Variants in SPAG17 observed in about 807,000 individuals in gnomAD.
SPAG17 encodes the protein sperm associated antigen 17, also known as sperm-associated antigen 17.
In SPAG17, 169 loss-of-function variants were observed where a neutral mutation model predicts 273.6. The observed-to-expected ratio is 0.62, with a 90% CI of 0.55 to 0.70. SPAG17 has a LOEUF of 0.70. SPAG17 is among the 30% of genes least tolerant of loss of function. SPAG17 has a pLI of 0.00. For missense variants in SPAG17, 2,557 were observed against 2,627.8 expected (o/e 0.97, Z 0.59); for synonymous variants, 825 against 873.2 (o/e 0.94, Z 0.97).
chr1:118,148,398 T>A (rs547023103), intron 3 of SPAG17, among the ~76,000 whole-genome samples: 1 of 152,328 alleles, frequency 6.6e-6, no homozygotes, highest in East Asian at 1.9e-4. Context: ...TACACGAACC[T>A]GCTGCAAGGT....
chr1:118,134,069 C>T (rs972244631), intron 3 of SPAG17, among the ~76,000 whole-genome samples: 1 of 152,198 alleles, frequency 6.6e-6, no homozygotes, highest in Non-Finnish European at 1.5e-5. Context: ...TAAATTCATA[C>T]AAATTGTCTT....
At chr1:117,980,992 G>T (rs1321721137) in intron 43 of SPAG17, among the ~76,000 whole-genome samples, 1 of 152,090 alleles carries the variant, frequency 6.6e-6, no homozygotes, top group African/African-American at 2.4e-5. Context: ...AGAACTAAAA[G>T]GGATAAAATT....
chr1:118,115,569 GA>G (rs369861593), intron 3 of SPAG17, 128 bp from the exon 4 acceptor site: 17,622 of 867,124 alleles, frequency 0.02, 170 homozygotes, highest in South Asian at 0.041. Flanking sequence ...ATTGCTGGCT[GA>G]AAAAAAAAAG....
chr1:118,040,653 C>G lies in SPAG17; in HGVS notation c.3166+77G>C, dbSNP rs748688087. Reference sequence around the variant, plus strand: ...GAATAACACTCTCGCCTATCAAACTCAGGAGTAGAGGGCCCCTGGTTATCT... The same window carrying G: ...GAATAACACTCTCGCCTATCAAACTGAGGAGTAGAGGGCCCCTGGTTATCT... On this transcript the variant is annotated intron_variant, in intron 22 of 48. Coordinates refer to ENST00000336338, the MANE Select transcript of SPAG17 (RefSeq NM_206996.4). The G allele has an allele frequency of 5.2e-6, 5 of 957,386 alleles. No individual in the cohort carries two copies. The African/African-American group carries it at 6.4e-5, about 12-fold the overall frequency. 59.3% of individuals were successfully genotyped at this position (957,386 alleles called of 1,614,324 possible).
At chr1:117,999,562 A>C (rs1410927024) in intron 32 of SPAG17, among the ~76,000 whole-genome samples, 1 of 152,074 alleles carries the variant, frequency 6.6e-6, no homozygotes, top group African/African-American at 2.4e-5. Context: ...TTTGATTTGC[A>C]TTTCTCTGAT....
chr1:118,125,226 TA>T (rs1308761893), intron 3 of SPAG17, among the ~76,000 whole-genome samples: 5 of 145,914 alleles, frequency 3.4e-5, no homozygotes, highest in Non-Finnish European at 7.4e-5. Flanking sequence ...TTTTTTATTG[TA>T]TTCATATATA....
chr1:118,041,787 C>T lies in SPAG17; in HGVS notation c.3054+16G>A. The T allele has an allele frequency of 6.3e-7, 1 of 1,597,998 alleles. No homozygotes were observed. Among genetic ancestry groups the T allele is most frequent in the Non-Finnish European group, 8.5e-7 (1 of 1,175,366 alleles). ...AATAGCCCAAAGAGACTAAGTTTTACAGAATTGGAGTTTACCGGGTAAGTT... is the reference window on the plus strand; with the variant it reads ...AATAGCCCAAAGAGACTAAGTTTTATAGAATTGGAGTTTACCGGGTAAGTT... On this transcript the variant is annotated intron_variant, in intron 21 of 48. Transcript: ENST00000336338.
At chr1:118,061,404 A>G (rs2102028827) in intron 18 of SPAG17, among the ~76,000 whole-genome samples, 1 of 152,346 alleles carries the variant, frequency 6.6e-6, no homozygotes, top group South Asian at 2.1e-4. Context: ...GTATAAACCT[A>G]GAGGATATTA....
intron 13 of SPAG17, among the ~76,000 whole-genome samples, chr1:118,083,505 G>A (rs1006989068): frequency 3.3e-5 from 5 of 152,000 alleles, no homozygotes; most frequent in Non-Finnish European, 5.9e-5. Flanking sequence ...CAGAGACAGC[G>A]GTGGGGCGCG....
At chr1:118,152,091 G>C (rs999355374) in intron 1 of SPAG17, among the ~76,000 whole-genome samples, 1 of 152,170 alleles carries the variant, frequency 6.6e-6, no homozygotes, top group Non-Finnish European at 1.5e-5. Flanking sequence ...GCTGGGGAAA[G>C]CTACTCACGC....
At position 118,039,457 on chromosome 1, in the gene SPAG17, CATAGA is replaced by C. The variant is rs1649479606; in HGVS notation, c.3167-18_3167-14del. 2.5e-6 allele frequency: 4 copies of C among 1,612,388 alleles called. No homozygotes were observed. Among genetic ancestry groups the C allele is most frequent in the African/African-American group, 2.7e-5 (2 of 74,776 alleles). On this transcript the variant is annotated splice_polypyrimidine_tract_variant and intron_variant, in intron 22 of 48. Transcript: ENST00000336338. ...ATAAAAGTTGGGCCTGAGGAGGAAC[CATAGA>C]ATAGAAGATGGGCTGATTAGGATGC... is the stretch of plus-strand genomic sequence containing the variant.
chr1:118,013,827 T>C (rs551299042), intron 29 of SPAG17, among the ~76,000 whole-genome samples: 1 of 152,238 alleles, frequency 6.6e-6, no homozygotes, highest in Admixed American at 6.5e-5. Flanking sequence ...ACAAGGATAT[T>C]TCTGAATGCC....
At position 117,971,947 on chromosome 1, in the gene SPAG17, G is replaced by A. The variant is rs772502243; in HGVS notation, c.6242C>T (p.Ser2081Leu). Residue 2081 changes from serine (S) to leucine (L), a missense_variant, in exon 45 of 49, where the codon TCA becomes TTA. Coordinates refer to ENST00000336338, the MANE Select transcript of SPAG17 (RefSeq NM_206996.4). ...SSLFGFHLLP[S>L]SVKFGVLKEG... ...CTTAAGCACTCCAAACTTGACTGAT[G>A]ATGGGAGAAGATGGAACCCAAAAAG... 2 of 1,613,988 alleles carry A rather than the reference G, an allele frequency of 1.2e-6. No homozygotes were observed. The highest frequency in any genetic ancestry group is 2.7e-5 in the African/African-American group (2 of 74,916).
At chr1:118,178,240 T>C (rs1660786617) in intron 1 of SPAG17, among the ~76,000 whole-genome samples, 1 of 152,094 alleles carries the variant, frequency 6.6e-6, no homozygotes, top group African/African-American at 2.4e-5. Context: ...AAAAAGATAA[T>C]TTACCATTAT....
In SPAG17 at chr1:118,165,645, C is replaced by CTTTTTT. The variant is rs5777341; in HGVS notation, c.88-14282_88-14277dup. On this transcript the variant is annotated intron_variant, in intron 1 of 48. Transcript: ENST00000336338. ...TGTAAATTAAAAAAAAAAAAACTTT[C>CTTTTTT]TTTTTTTTTTTTTTTTTTGAGACGG... Among the ~76,000 whole-genome samples, 83 of 108,336 alleles carry CTTTTTT rather than the reference C, an allele frequency of 7.7e-4. 2 individuals are homozygous for CTTTTTT. The highest frequency in any genetic ancestry group is 2.9e-3 in the African/African-American group (79 of 27,548). The allele number at this position is 108,336 out of a possible 152,430, so 71.1% of individuals were successfully genotyped here. A position where few individuals can be genotyped will look rare whatever the true frequency, so the allele number is the denominator to read the frequency against.
rs1271411683 is a variant in SPAG17, at chr1:117,971,977, G to A, written c.6212C>T (p.Ser2071Leu). ...VASAAINNAKSSLFGFHLLPS... is the reference protein window; with the variant it reads ...VASAAINNAKLSLFGFHLLPS... ...GAGAAGATGGAACCCAAAAAGGGAT[G>A]ACTTTGCATTATTAATGGCAGCAGA... Residue 2071 changes from serine (S) to leucine (L), a missense_variant, in exon 45 of 49, where the codon TCA (serine) becomes TTA (leucine). Ser to Leu is a moderately radical substitution (Grantham distance 145). Coordinates refer to ENST00000336338, the MANE Select transcript of SPAG17 (RefSeq NM_206996.4). The A allele has an allele frequency of 1.9e-6, 3 of 1,614,052 alleles. 1 individual carries two copies. The Admixed American group carries it at 5.0e-5, about 27-fold the overall frequency.
Position 118,054,069 on chromosome 1 carries a change from T to C in SPAG17, c.2747A>G (p.Glu916Gly), listed in dbSNP as rs1462552732. 6.2e-7 allele frequency: 1 copy of C among 1,605,430 alleles called. No individual in the cohort carries two copies. The highest frequency in any genetic ancestry group is 1.7e-5 in the Admixed American group (1 of 59,660). ...TTTTTCTTTTTCTTGATCTGATATC[T>C]CTGTTTTGCTGATTCCTTTGTTACC... ...SKSNKGISKT[E>G]ISDQEKEKEK... The change falls in exon 20 of 49, where the codon GAG (glutamate) becomes GGG (glycine). Residue 916 changes from glutamate to glycine, a missense_variant. Glu to Gly is a moderately conservative substitution (Grantham distance 98). Transcript: ENST00000336338.
At chr1:118,008,649 A>G (rs1195944138) in intron 30 of SPAG17, among the ~76,000 whole-genome samples, 1 of 152,118 alleles carries the variant, frequency 6.6e-6, no homozygotes, top group Non-Finnish European at 1.5e-5. Context: ...TTTTATGTAC[A>G]TATATATCAT....
At chr1:118,010,203 A>G (rs1659331483) in intron 30 of SPAG17, among the ~76,000 whole-genome samples, 1 of 152,202 alleles carries the variant, frequency 6.6e-6, no homozygotes, top group South Asian at 2.1e-4. Context: ...TGTATTTTGA[A>G]AATTTCTAAG....
Sources: allele counts gnomAD v4.1 joint callset (sites outside exome capture counted in the v4.1 genomes callset), GRCh38; gene constraint gnomAD v4.1.1; transcripts MANE v1.5; gene names NCBI Gene and HGNC (gene_info 2026-07-23, HGNC 2026-07-21).